Variants in COPE observed in about 807,000 individuals in gnomAD.
The protein encoded by COPE is coatomer subunit epsilon.
A neutral mutation model predicts 42.1 loss-of-function variants in COPE; 19 were observed. That is an observed-to-expected ratio of 0.45 (90% confidence interval 0.31 to 0.66). The LOEUF is 0.66. Among genes scored for constraint, COPE ranks in the 30% least tolerant of loss-of-function variants. COPE has a pLI of 0.05. For synonymous variants in COPE, 195 were observed against 181.3 expected, an observed-to-expected ratio of 1.08 and a Z score of -0.60; for missense variants, 402 against 416.1, an observed-to-expected ratio of 0.97 and a Z score of 0.30.
Position 18,917,777 on chromosome 19 carries a change from C to T in COPE, c.126+1446G>A, listed in dbSNP as rs192194828. 1.3e-3 allele frequency among the ~76,000 whole-genome samples: 193 copies of T among 152,260 alleles called. 1 individual carries two copies. The highest frequency in any genetic ancestry group is 0.01 in the Middle Eastern group (3 of 294). On this transcript the variant is annotated intron_variant, in intron 1 of 9. Transcript: ENST00000262812. ...TTTCTTGGGTAACTGCCAAACTTCA[C>T]CTTCATACAACGGGCCCCAGTAAAA...
At chr19:18,915,144 G>A (rs1192888620) in intron 1 of COPE, among the ~76,000 whole-genome samples, 1 of 152,164 alleles carries the variant, frequency 6.6e-6, no homozygotes, top group African/African-American at 2.4e-5. Flanking sequence ...GGAGGTCGAG[G>A]CTACAGTGGA....
chr19:18,913,603 A>T (rs1327324308), intron 1 of COPE, among the ~76,000 whole-genome samples: 3 of 61,344 alleles, frequency 4.9e-5, no homozygotes, highest in Non-Finnish European at 8.9e-5. Context: ...CCAGGGAGGG[A>T]GGCTGGGACC....
At chr19:18,914,483 G>A (rs990097289) in intron 1 of COPE, among the ~76,000 whole-genome samples, 4 of 152,014 alleles carry the variant, frequency 2.6e-5, no homozygotes, top group Non-Finnish European at 5.9e-5. Context: ...AGAGGCTGTA[G>A]TAAGCCGAGA....
intron 1 of COPE, among the ~76,000 whole-genome samples, chr19:18,918,339 CTT>C (rs2056877218): frequency 6.6e-6 from 1 of 151,012 alleles, no homozygotes; most frequent in African/African-American, 2.4e-5. Flanking sequence ...CTTAAAAACT[CTT>C]AGTCTGTAAA....
intron 3 of COPE, among the ~76,000 whole-genome samples, chr19:18,908,651 G>A (rs1229101546): frequency 6.6e-6 from 1 of 151,426 alleles, no homozygotes; most frequent in Non-Finnish European, 1.5e-5. Flanking sequence ...CGAGTAGCTG[G>A]GACTACAGGC....
intron 3 of COPE, among the ~76,000 whole-genome samples, chr19:18,910,146 G>C (rs981907951): frequency 6.6e-6 from 1 of 152,182 alleles, no homozygotes; most frequent in Non-Finnish European, 1.5e-5. Context: ...CCCCACAGCA[G>C]GAGGGGGCAA....
chr19:18,917,577 C>G (rs1017020369), intron 1 of COPE, among the ~76,000 whole-genome samples: 4 of 151,866 alleles, frequency 2.6e-5, no homozygotes, highest in African/African-American at 9.7e-5. Flanking sequence ...CCAAGTTGGT[C>G]AGGCTGGTCT....
rs200960583 is a variant in COPE, at chr19:18,902,757, AAGG to A, written c.735+508_735+510del. On this transcript the variant is annotated intron_variant, in intron 7 of 9. Coordinates refer to ENST00000262812, the MANE Select transcript of COPE (RefSeq NM_007263.4). ...AGGAAGGAAAGGAAGGAAAGGAAGG[AAGG>A]AAGGAAGGGAAAGAAGGAAGGAAGG... is the stretch of plus-strand genomic sequence containing the variant. Among the ~76,000 whole-genome samples, 147 of 39,006 alleles carry A rather than the reference AAGG, an allele frequency of 3.8e-3. 14 individuals are homozygous for A. Among genetic ancestry groups the A allele is most frequent in the African/African-American group, 0.011 (65 of 6,004 alleles). The allele number at this position is 39,006 out of a possible 152,430, so 25.6% of individuals were successfully genotyped here. A position where few individuals can be genotyped will look rare whatever the true frequency, so the allele number is the denominator to read the frequency against.
rs551230822 is a variant in COPE at position 18,909,251 on chromosome 19, C to A, written c.290+1720G>T. Reference sequence around the variant, plus strand: ...GAGAAACAGTGGCCCTGGGAGGTCACCTGTCTCAATGTCCTGGAGCTGCTG... The same window carrying A: ...GAGAAACAGTGGCCCTGGGAGGTCAACTGTCTCAATGTCCTGGAGCTGCTG... On this transcript the variant is annotated intron_variant, in intron 3 of 9. Coordinates refer to ENST00000262812, the MANE Select transcript of COPE (RefSeq NM_007263.4). 2.0e-5 allele frequency among the ~76,000 whole-genome samples: 3 copies of A among 152,348 alleles called. No individual in the cohort carries two copies. The East Asian group carries it at 5.8e-4, about 29-fold the overall frequency.
intron 5 of COPE, 103 bp downstream of exon 5, chr19:18,905,473 C>T: frequency 1.7e-6 from 2 of 1,200,088 alleles, no homozygotes; most frequent in Non-Finnish European, 2.3e-6. Flanking sequence ...GGAAAGACAA[C>T]AAGAGTAATG....
At chr19:18,915,472 TC>T (rs2056846631) in intron 1 of COPE, among the ~76,000 whole-genome samples, 1 of 152,156 alleles carries the variant, frequency 6.6e-6, no homozygotes, top group African/African-American at 2.4e-5. Flanking sequence ...TTCCTCGACT[TC>T]CAGGGACGAT....
At chr19:18,914,327 G>A (rs1450501959) in intron 1 of COPE, among the ~76,000 whole-genome samples, 1 of 151,818 alleles carries the variant, frequency 6.6e-6, no homozygotes, top group African/African-American at 2.4e-5. Flanking sequence ...ATCATTAGAG[G>A]TCAGGAGTTC....
intron 1 of COPE, among the ~76,000 whole-genome samples, chr19:18,915,754 T>C (rs1329798125): frequency 6.6e-6 from 1 of 152,226 alleles, no homozygotes; most frequent in Non-Finnish European, 1.5e-5. Context: ...TCCTCCCTTC[T>C]GTCCCTGTAG....
chr19:18,902,490 C>T (rs1045866352), intron 7 of COPE, among the ~76,000 whole-genome samples: 1 of 148,948 alleles, frequency 6.7e-6, no homozygotes, highest in Non-Finnish European at 1.5e-5. Context: ...CATGGCAAAA[C>T]CCCGTCTCTA....
At chr19:18,902,779 AGG>A (rs1568314900) in intron 7 of COPE, among the ~76,000 whole-genome samples, 2 of 55,672 alleles carry the variant, frequency 3.6e-5, no homozygotes, top group Admixed American at 1.7e-4. Flanking sequence ...GAAAGAAGGA[AGG>A]AAGGAAGGAA....
chr19:18,903,277 C>T lies in COPE; in HGVS notation c.726G>A (p.Ala242=), dbSNP rs573856256. 6.9e-6 allele frequency: 11 copies of T among 1,592,426 alleles called. 1 individual carries two copies. Among genetic ancestry groups the T allele is most frequent in the East Asian group, 6.8e-5 (3 of 44,346 alleles). Residue 242 remains alanine, a synonymous_variant, in exon 7 of 10, where the codon GCG becomes GCA. Transcript: ENST00000262812. The part of the protein sequence containing the change: ...WEAAEGLLQE[A]LDKDSGYPET... ...ACAGGCTTGTGCCTACCTTGTCTAG[C>T]GCCTCCTGCAGCAGGCCCTCAGCGG...
At chr19:18,915,412 C>A (rs1601235975) in intron 1 of COPE, among the ~76,000 whole-genome samples, 1 of 152,222 alleles carries the variant, frequency 6.6e-6, no homozygotes, top group South Asian at 2.1e-4. Flanking sequence ...ATAACAACAA[C>A]AAATGTGCAG....
chr19:18,913,650 G>C (rs533410521), intron 1 of COPE, among the ~76,000 whole-genome samples: 1 of 152,326 alleles, frequency 6.6e-6, no homozygotes, highest in African/African-American at 2.4e-5. Context: ...TGCCCCCGGA[G>C]GCTGGCTGAC....
At chr19:18,908,522 T>G (rs1233093491) in intron 3 of COPE, among the ~76,000 whole-genome samples, 1 of 15,904 alleles carries the variant, frequency 6.3e-5, no homozygotes, top group Non-Finnish European at 1.2e-4. Context: ...CCCATCTCTC[T>G]TTTTTTTTTT....
Sources: gnomAD v4.1 joint callset for allele counts (sites outside exome capture counted in the v4.1 genomes callset) on GRCh38, gnomAD v4.1.1 for gene constraint, MANE v1.5 for transcripts, NCBI Gene and HGNC (gene_info 2026-07-23, HGNC 2026-07-21) for gene names.